Variants in RAP1GAP2 observed in about 807,000 individuals in gnomAD.
The protein encoded by RAP1GAP2 is RAP1 GTPase activating protein 2, also known as rap1 GTPase-activating protein 2.
Under a neutral mutation model 95.0 loss-of-function variants are expected in RAP1GAP2, and 27 were observed. That is an observed-to-expected ratio of 0.28 (90% CI 0.21 to 0.39). RAP1GAP2 has a LOEUF of 0.39. Ranked by LOEUF, RAP1GAP2 falls within the 10% of genes least tolerant of loss-of-function variation. RAP1GAP2 has a pLI of 1.00. For missense variants in RAP1GAP2, 771 were observed against 970.0 expected, an observed-to-expected ratio of 0.79 and a Z score of 2.72; for synonymous variants, 373 against 380.9, an observed-to-expected ratio of 0.98 and a Z score of 0.24.
rs2072850755 is a variant in RAP1GAP2 at position 2,871,645 on chromosome 17, C to T, written c.81-33639C>T. On this transcript the variant is annotated intron_variant, in intron 2 of 24. Coordinates refer to ENST00000254695, the MANE Select transcript of RAP1GAP2 (RefSeq NM_015085.5). The surrounding 1 kb of genome is among the most constrained non-coding windows in gnomAD (Gnocchi z 5.0). ...CGTGTTGGGTGAGCACGTGGACCCTCACCTTCATGCTGATTTCATTGGGGT... is the reference window on the plus strand; with the variant it reads ...CGTGTTGGGTGAGCACGTGGACCCTTACCTTCATGCTGATTTCATTGGGGT... Among the ~76,000 whole-genome samples the T allele has an allele frequency of 6.6e-6, 1 of 152,160 alleles. No homozygotes were observed. Among genetic ancestry groups the T allele is most frequent in the Non-Finnish European group, 1.5e-5 (1 of 68,024 alleles).
intron 9 of RAP1GAP2, 147 bp from the exon 10 acceptor site, chr17:2,981,048 T>C (rs2045338661): frequency 3.0e-6 from 2 of 656,180 alleles, no homozygotes; most frequent in Admixed American, 2.5e-5. Context: ...CCTGGGCACG[T>C]GTTAGTGAGC....
intron 3 of RAP1GAP2, among the ~76,000 whole-genome samples, chr17:2,908,830 C>T (rs937722203): frequency 2.0e-5 from 3 of 152,034 alleles, no homozygotes; most frequent in East Asian, 3.8e-4. Context: ...CTTAGCCTCC[C>T]GAGTAGCTGG....
intron 16 of RAP1GAP2, among the ~76,000 whole-genome samples, chr17:3,007,084 C>A (rs1484789302): frequency 6.6e-6 from 1 of 152,008 alleles, no homozygotes; most frequent in Non-Finnish European, 1.5e-5. Flanking sequence ...TGGTAGACAG[C>A]ATGAGCAAAG....
At chr17:2,828,730 CT>C (rs1345935926) in intron 2 of RAP1GAP2, among the ~76,000 whole-genome samples, 1 of 152,136 alleles carries the variant, frequency 6.6e-6, no homozygotes, top group African/African-American at 2.4e-5. Flanking sequence ...CCTCCACCCT[CT>C]GGGGAGATAA....
intron 8 of RAP1GAP2, among the ~76,000 whole-genome samples, chr17:2,974,003 A>T (rs996789190): frequency 2.0e-5 from 3 of 152,162 alleles, no homozygotes; most frequent in Non-Finnish European, 4.4e-5. Context: ...CCTATCCATG[A>T]TAGTTGTTAA....
rs1048989571 is a variant in RAP1GAP2 at position 3,004,069 on chromosome 17, C to T, written c.1201-1300C>T. Among the ~76,000 whole-genome samples the T allele has an allele frequency of 7.2e-5, 11 of 152,214 alleles. No homozygotes were observed. The highest frequency in any genetic ancestry group is 1.3e-4 in the Non-Finnish European group (9 of 68,038). On this transcript the variant is annotated intron_variant, in intron 14 of 24. Coordinates refer to ENST00000254695, the MANE Select transcript of RAP1GAP2 (RefSeq NM_015085.5). This position sits in a 1 kb window ranked among gnomAD's most constrained non-coding sequence, Gnocchi z 4.1. ...CCCTCTGGCCTCTGTCCCAGGTGCC[C>T]ACGGTCTGCAGTCTCCCCATAGCCT...
At chr17:2,978,463 C>T (rs74917126) in intron 8 of RAP1GAP2, among the ~76,000 whole-genome samples, 3,982 of 151,932 alleles carry the variant, frequency 0.026, 158 homozygotes, top group African/African-American at 0.089. Flanking sequence ...ATTCATGTCC[C>T]GGGTGGATAG....
rs113254712 is a variant in RAP1GAP2 at position 3,037,399 on chromosome 17, G to T, written c.*4038G>T. ...CCCCGCTTCCTGCTCCTTAGCATGC[G>T]TGCAGCTCTCTCCTGTTTTGGGTGT... On this transcript the variant is annotated 3_prime_UTR_variant, in exon 25 of 25. Transcript: ENST00000254695. 6.0e-5 allele frequency: 6 copies of T among 100,266 alleles called. No individual in the cohort carries two copies. The highest frequency in any genetic ancestry group is 2.7e-4 in the East Asian group (1 of 3,666). 6.2% of individuals were successfully genotyped at this position (100,266 alleles called of 1,614,324 possible).
chr17:2,992,438 G>A (rs1407620604), intron 12 of RAP1GAP2, among the ~76,000 whole-genome samples: 2 of 152,174 alleles, frequency 1.3e-5, no homozygotes, highest in Non-Finnish European at 2.9e-5. Context: ...GGGATTACAG[G>A]CGTGAGCCAC....
At chr17:2,888,441 T>C (rs9303139) in intron 2 of RAP1GAP2, among the ~76,000 whole-genome samples, 13,087 of 152,234 alleles carry the variant, frequency 0.086, 689 homozygotes, top group African/African-American at 0.15. Context: ...TCTCAGCCTC[T>C]GCTGACCACT....
intron 3 of RAP1GAP2, among the ~76,000 whole-genome samples, chr17:2,934,209 G>A (rs2043237303): frequency 1.3e-5 from 2 of 152,194 alleles, no homozygotes; most frequent in Admixed American, 1.3e-4. Context: ...TCGGCTCACT[G>A]CAACCTCTGC....
chr17:2,931,018 A>G (rs2043127223), intron 3 of RAP1GAP2, among the ~76,000 whole-genome samples: 1 of 145,314 alleles, frequency 6.9e-6, no homozygotes, highest in Non-Finnish European at 1.5e-5. Context: ...GCTGCTTGGG[A>G]GGCTGAGGCA....
chr17:2,758,215 G>A (rs1461164376), intron 1 of RAP1GAP2, among the ~76,000 whole-genome samples: 2 of 125,182 alleles, frequency 1.6e-5, no homozygotes, highest in Non-Finnish European at 3.2e-5. Context: ...TACCTCTGTT[G>A]CCCAGGCTGG....
Position 2,827,128 on chromosome 17 carries a change from A to G in RAP1GAP2, c.80+26578A>G, listed in dbSNP as rs899723134. ...TAGTCACGTGGGTGAGGCAGGAGGG[A>G]AGCCTAGTAGCAGAGAAGATGATGC... On this transcript the variant is annotated intron_variant, in intron 2 of 24. Transcript: ENST00000254695. The surrounding 1 kb of genome is among the most constrained non-coding windows in gnomAD (Gnocchi z 4.1). 1.3e-5 allele frequency among the ~76,000 whole-genome samples: 2 copies of G among 152,194 alleles called. No individual in the cohort carries two copies. The highest frequency in any genetic ancestry group is 4.8e-5 in the African/African-American group (2 of 41,450).
In RAP1GAP2 at chr17:2,963,799, G is replaced by A. The variant is rs562912161; in HGVS notation, c.280-57G>A. On this transcript the variant is annotated intron_variant, in intron 6 of 24. Transcript: ENST00000254695. The surrounding 1 kb of genome is among the most constrained non-coding windows in gnomAD (Gnocchi z 4.8). ...GCAGCGCAGAGGGGACACCGCCACC[G>A]GCCCCCTCCCTCCCCTGCGGTCCCA... is the stretch of plus-strand genomic sequence containing the variant. 1.1e-5 allele frequency: 15 copies of A among 1,426,766 alleles called. No individual in the cohort carries two copies. In the African/African-American group the frequency reaches 1.4e-4, roughly 14 times the overall value. The allele number at this position is 1,426,766 out of a possible 1,614,324, so 88.4% of individuals were successfully genotyped here.
intron 8 of RAP1GAP2, among the ~76,000 whole-genome samples, chr17:2,967,899 A>T (rs1048397348): frequency 1.3e-5 from 2 of 152,208 alleles, no homozygotes; most frequent in Non-Finnish European, 2.9e-5. Flanking sequence ...GTATTCTAAC[A>T]GCCTGTGTGT....
upstream of RAP1GAP2, among the ~76,000 whole-genome samples, chr17:2,776,289 A>G (rs1469430482): frequency 6.6e-6 from 1 of 152,214 alleles, no homozygotes; most frequent in Non-Finnish European, 1.5e-5. Flanking sequence ...CGCGCAACGC[A>G]GAGCTAGAGG....
intron 2 of RAP1GAP2, among the ~76,000 whole-genome samples, chr17:2,869,217 T>C (rs955956319): frequency 4.6e-5 from 7 of 152,258 alleles, no homozygotes; most frequent in African/African-American, 1.2e-4. Flanking sequence ...TCTACTCTTA[T>C]AGTGTATAGT....
intron 19 of RAP1GAP2, among the ~76,000 whole-genome samples, chr17:3,025,196 A>G (rs969387911): frequency 1.4e-4 from 22 of 152,126 alleles, no homozygotes; most frequent in South Asian, 8.3e-4. Context: ...GGCCAATGCA[A>G]TGAAACCCCA....
Sources: gnomAD v4.1 joint callset for allele counts (sites outside exome capture counted in the v4.1 genomes callset) on GRCh38, gnomAD v4.1.1 for gene constraint, Gnocchi (gnomAD v3.1) non-coding constraint, MANE v1.5 for transcripts, NCBI Gene and HGNC (gene_info 2026-07-23, HGNC 2026-07-21) for gene names.